Variants in CDK18 observed in about 807,000 individuals in gnomAD.
CDK18 encodes the protein cyclin-dependent kinase 18.
CDK18 carries 52 observed loss-of-function variants against 62.0 expected under a neutral mutation model. The ratio of observed to expected loss-of-function variants is 0.84; its 90% CI spans 0.67 to 1.06. The LOEUF is 1.06. CDK18 is among the 50% of genes least tolerant of loss of function. The pLI is 0.00. For synonymous variants in CDK18, 237 were observed against 247.0 expected, an observed-to-expected ratio of 0.96 and a Z score of 0.38; for missense variants, 604 against 619.9, an observed-to-expected ratio of 0.97 and a Z score of 0.27.
chr1:205,529,164 G>A, intron 11 of CDK18, 68 bp downstream of exon 11: 1 of 1,450,564 alleles, frequency 6.9e-7, no homozygotes, highest in South Asian at 1.2e-5. Flanking sequence ...CCCAGGCGCG[G>A]AGCGGGACGG....
At position 205,530,290 on chromosome 1, in the gene CDK18, C is replaced by T; in HGVS notation, c.1253C>T (p.Ala418Val). ...YESKSRMSAE[A>V]ALSHSYFRSL... ...TCCAAGAGTCGCATGTCAGCAGAGG[C>T]TGCCCTGAGTCACTCCTACTTCCGG... The change falls in exon 14 of 16, where the codon GCT becomes GTT. Residue 418 changes from alanine (A) to valine (V), a missense_variant. Physicochemically the swap from Ala to Val is moderately conservative, Grantham distance 64. Transcript: ENST00000429964. The T allele has an allele frequency of 6.2e-7, 1 of 1,613,282 alleles. No homozygotes were observed. Among genetic ancestry groups the T allele is most frequent in the Non-Finnish European group, 8.5e-7 (1 of 1,180,034 alleles).
At position 205,516,056 on chromosome 1, in the gene CDK18, C is replaced by T. The variant is rs187778249; in HGVS notation, c.-21-7091C>T. ...GCCCCAAGGCTTCTGCTGCTGACGC[C>T]GCCACAGCTCCAGGCAGCTAAGGGG... On this transcript the variant is annotated intron_variant, in intron 1 of 15. Coordinates refer to ENST00000429964, the MANE Select transcript of CDK18 (RefSeq NM_212502.3). The surrounding 1 kb of genome is among the most constrained non-coding windows in gnomAD (Gnocchi z 4.8). Among the ~76,000 whole-genome samples, 228 of 152,244 alleles carry T rather than the reference C, an allele frequency of 1.5e-3. No individual in the cohort carries two copies. Among genetic ancestry groups the T allele is most frequent in the African/African-American group, 4.6e-3 (191 of 41,556 alleles).
chr1:205,516,738 A>T lies in CDK18; in HGVS notation c.-21-6409A>T, dbSNP rs1667840311. 2 of 152,272 alleles carry T rather than the reference A, an allele frequency of 1.3e-5. No individual in the cohort carries two copies. Among genetic ancestry groups the T allele is most frequent in the Admixed American group, 1.3e-4 (2 of 15,274 alleles). 9.4% of individuals were successfully genotyped at this position (152,272 alleles called of 1,614,324 possible). A position where few individuals can be genotyped will look rare whatever the true frequency, so the allele number is the denominator to read the frequency against. ...TCCTGAAGGCCCCAGAGACTTGTACAGCATGCAGGGGCAATGAAGAGGGGC... is the reference window on the plus strand; with the variant it reads ...TCCTGAAGGCCCCAGAGACTTGTACTGCATGCAGGGGCAATGAAGAGGGGC... On this transcript the variant is annotated intron_variant, in intron 1 of 15. Transcript: ENST00000429964. The surrounding 1 kb of genome is among the most constrained non-coding windows in gnomAD (Gnocchi z 4.8).
In CDK18 at chr1:205,517,508, C is replaced by T. The variant is rs546441209; in HGVS notation, c.-21-5639C>T. Among the ~76,000 whole-genome samples, 250 of 152,274 alleles carry T rather than the reference C, an allele frequency of 1.6e-3. No homozygotes were observed. Among genetic ancestry groups the T allele is most frequent in the Non-Finnish European group, 2.2e-3 (152 of 68,028 alleles). On this transcript the variant is annotated intron_variant, in intron 1 of 15. Transcript: ENST00000429964. The surrounding 1 kb of genome is among the most constrained non-coding windows in gnomAD (Gnocchi z 4.1). ...ACCCAGCATGTTTGCTCAGATACCA[C>T]TGTACGTTGAAAATGTCACCTGCCC...
chr1:205,523,783 G>T lies in CDK18; in HGVS notation c.273+158G>T, dbSNP rs894677208. The T allele has an allele frequency of 2.3e-5, 21 of 909,540 alleles. No homozygotes were observed. The Admixed American group carries it at 6.1e-4, about 27-fold the overall frequency. The allele number at this position is 909,540 out of a possible 1,614,324, so 56.3% of individuals were successfully genotyped here. ...TTTGAGCAAGTTACTCAACCTCTGTGCACCATGGTCTCCTTGTCTTTAAAA... is the reference window on the plus strand; with the variant it reads ...TTTGAGCAAGTTACTCAACCTCTGTTCACCATGGTCTCCTTGTCTTTAAAA... On this transcript the variant is annotated intron_variant, in intron 3 of 15. Coordinates refer to ENST00000429964, the MANE Select transcript of CDK18 (RefSeq NM_212502.3).
chr1:205,515,530 G>A (rs773502805), intron 1 of CDK18, among the ~76,000 whole-genome samples: 10 of 152,180 alleles, frequency 6.6e-5, no homozygotes, highest in Non-Finnish European at 1.2e-4. Context: ...AGCTGAGAAA[G>A]TTAAGTCTAG....
Position 205,529,580 on chromosome 1 carries a change from C to T in CDK18, c.1221+17C>T, listed in dbSNP as rs1326518566. On this transcript the variant is annotated intron_variant, in intron 13 of 15. Transcript: ENST00000429964. ...CTGCTCCTGGTGAGTGTCCTCCCGG[C>T]GGGGCCCAGGGAGAGGCAGCCAAAG... 4 of 1,613,540 alleles carry T rather than the reference C, an allele frequency of 2.5e-6. No homozygotes were observed. The highest frequency in any genetic ancestry group is 3.4e-6 in the Non-Finnish European group (4 of 1,179,932).
Position 205,527,487 on chromosome 1 carries a change from A to G in CDK18, c.730-307A>G, listed in dbSNP as rs1332190835. The G allele has an allele frequency of 5.4e-5, 13 of 239,416 alleles. No individual in the cohort carries two copies. The highest frequency in any genetic ancestry group is 2.4e-4 in the African/African-American group (10 of 42,444). 14.8% of individuals were successfully genotyped at this position (239,416 alleles called of 1,614,324 possible). The stretch of plus-strand genomic sequence containing the variant: ...GAGTAAAACCCTGACTCTAAAAGAA[A>G]AAAAAAAAAAAAAGGGATCAAGCAC... On this transcript the variant is annotated intron_variant, in intron 8 of 15. Transcript: ENST00000429964. The surrounding 1 kb of genome is among the most constrained non-coding windows in gnomAD (Gnocchi z 4.1).
rs1558784704 is a variant in CDK18 at position 205,528,121 on chromosome 1, CG to C, written c.928del (p.Asp310MetfsTer59). ...EVVTLWYRPP[D>X]VLLGSTEYST... ...TGGTGACCCTGTGGTACAGGCCCCCCGATGTGCTGCTGGGATCCACAGAGTA... is the reference window on the plus strand; with the variant it reads ...TGGTGACCCTGTGGTACAGGCCCCCCATGTGCTGCTGGGATCCACAGAGTA... On this transcript the variant is annotated frameshift_variant, in exon 10 of 16. Coordinates refer to ENST00000429964, the MANE Select transcript of CDK18 (RefSeq NM_212502.3). LOFTEE classifies it high-confidence loss of function. This position sits in a 1 kb window ranked among gnomAD's most constrained non-coding sequence, Gnocchi z 4.2. 1 of 1,614,044 alleles carries C rather than the reference CG, an allele frequency of 6.2e-7. No homozygotes were observed. The highest frequency in any genetic ancestry group is 8.5e-7 in the Non-Finnish European group (1 of 1,179,986).
chr1:205,515,783 C>G (rs1667788840), intron 1 of CDK18, among the ~76,000 whole-genome samples: 1 of 152,158 alleles, frequency 6.6e-6, no homozygotes, highest in Non-Finnish European at 1.5e-5. Flanking sequence ...CGACCCTGAT[C>G]CCCACTTTGC....
At chr1:205,511,203 AG>A (rs1667552223) in intron 1 of CDK18, among the ~76,000 whole-genome samples, 1 of 152,252 alleles carries the variant, frequency 6.6e-6, no homozygotes, top group South Asian at 2.1e-4. Flanking sequence ...AAGAAAATAA[AG>A]TTTTGTGACC....
At chr1:205,526,937 TG>T (rs1358051483) in intron 8 of CDK18, 100 bp downstream of exon 8, 1 of 962,010 alleles carries the variant, frequency 1.0e-6, no homozygotes, top group African/African-American at 1.6e-5. Flanking sequence ...GCTGCTGAGG[TG>T]GCTCAGACCT....
chr1:205,513,593 T>C (rs1667672707), intron 1 of CDK18, among the ~76,000 whole-genome samples: 2 of 152,174 alleles, frequency 1.3e-5, no homozygotes, highest in African/African-American at 4.8e-5. Context: ...AGGGGCTAGA[T>C]AGGAGGTCGT....
rs368954595 is a variant in CDK18, at chr1:205,527,886, C to T, written c.822C>T (p.Asn274=). 4.0e-5 allele frequency: 65 copies of T among 1,613,968 alleles called. No homozygotes were observed. The Middle Eastern group carries it at 4.9e-4, about 12-fold the overall frequency. ...TGAAGCCCCAGAACCTGCTCATCAA[C>T]GAGAGGGGGGAGCTGAAGCTGGCCG... ...RDLKPQNLLI[N]ERGELKLADF... Residue 274 remains asparagine (N), a synonymous_variant, in exon 9 of 16, where the codon AAC becomes AAT. Coordinates refer to ENST00000429964, the MANE Select transcript of CDK18 (RefSeq NM_212502.3). This position sits in a 1 kb window ranked among gnomAD's most constrained non-coding sequence, Gnocchi z 4.1.
In CDK18 at chr1:205,528,060, CCA is replaced by C. The variant is rs753048310; in HGVS notation, c.867_868del (p.Lys290ValfsTer10). 6 of 1,614,146 alleles carry C rather than the reference CCA, an allele frequency of 3.7e-6. No homozygotes were observed. The highest frequency in any genetic ancestry group is 5.1e-6 in the Non-Finnish European group (6 of 1,179,992). Reference sequence around the variant, plus strand: ...TGTCTGCCCCCAGGACTGGCCAGGGCCAAGTCAGTGCCCACAAAGACTTACTC... The same window carrying C: ...TGTCTGCCCCCAGGACTGGCCAGGGCAGTCAGTGCCCACAAAGACTTACTC... On this transcript the variant is annotated frameshift_variant, in exon 10 of 16. Transcript: ENST00000429964. LOFTEE classifies it high-confidence loss of function. This position sits in a 1 kb window ranked among gnomAD's most constrained non-coding sequence, Gnocchi z 4.2.
At chr1:205,515,173 A>ATTTTTTTTT (rs34027094) in intron 1 of CDK18, among the ~76,000 whole-genome samples, 5 of 117,758 alleles carry the variant, frequency 4.2e-5, no homozygotes, top group African/African-American at 1.3e-4. Context: ...GCTTTGAAGG[A>ATTTTTTTTT]TTTTTTTTTT....
chr1:205,515,067 TG>T (rs2102282608), intron 1 of CDK18, among the ~76,000 whole-genome samples: 2 of 151,968 alleles, frequency 1.3e-5, no homozygotes, highest in East Asian at 3.9e-4. Flanking sequence ...CCAGACCTTC[TG>T]GGGAGGGGTG....
intron 1 of CDK18, among the ~76,000 whole-genome samples, chr1:205,521,154 T>C (rs1218983208): frequency 6.6e-6 from 1 of 152,218 alleles, no homozygotes; most frequent in Non-Finnish European, 1.5e-5. Flanking sequence ...CACCCTTTAC[T>C]TGCCTCTGAA....
At chr1:205,508,287 G>A (rs1366074493) in intron 1 of CDK18, among the ~76,000 whole-genome samples, 6 of 152,226 alleles carry the variant, frequency 3.9e-5, no homozygotes, top group Non-Finnish European at 8.8e-5. Context: ...CCAGGGGGTG[G>A]GAGCAGACCA....
Sources: gnomAD v4.1 joint callset for allele counts (sites outside exome capture counted in the v4.1 genomes callset) on GRCh38, gnomAD v4.1.1 for gene constraint, Gnocchi (gnomAD v3.1) non-coding constraint, MANE v1.5 for transcripts, NCBI Gene and HGNC (gene_info 2026-07-23, HGNC 2026-07-21) for gene names.